MS4A7: variants seen among roughly 807,000 people sequenced by gnomAD.
The protein encoded by MS4A7 is membrane spanning 4-domains A7, also known as membrane-spanning 4-domains subfamily A member 7.
A neutral mutation model predicts 23.5 loss-of-function variants in MS4A7; 21 were observed. That is an observed-to-expected ratio of 0.89 (90% CI 0.63 to 1.29). MS4A7 has a LOEUF of 1.29. Among genes scored for constraint, MS4A7 ranks in the 50% most tolerant of loss-of-function variants. The pLI, the probability that MS4A7 is intolerant of heterozygous loss-of-function variation, is 0.00. For missense variants in MS4A7, 263 were observed against 274.2 expected (o/e 0.96, Z 0.29); for synonymous variants, 111 against 107.4 (o/e 1.03, Z -0.21).
At chr11:60,390,951 C>T (rs2085543975) in intron 5 of MS4A7, among the ~76,000 whole-genome samples, 1 of 152,088 alleles carries the variant, frequency 6.6e-6, no homozygotes, top group African/African-American at 2.4e-5. Context: ...ACTTAGGTTC[C>T]AGAAGCTAAG....
At chr11:60,379,847 A>C (rs186100145) in intron 1 of MS4A7, among the ~76,000 whole-genome samples, 142 of 152,228 alleles carry the variant, frequency 9.3e-4, no homozygotes, top group African/African-American at 3.0e-3. Context: ...AACCATTTTT[A>C]GGTGTACAGT....
At chr11:60,389,011 G>C (rs12793970) in intron 4 of MS4A7, 1 of 168,216 alleles carries the variant, frequency 5.9e-6, no homozygotes, top group African/African-American at 2.4e-5. Context: ...AGAGGGGACC[G>C]AAGTCCATAT....
rs780774438 is a variant in MS4A7, at chr11:60,389,588, A to G, written c.538A>G (p.Ser180Gly). The G allele has an allele frequency of 9.9e-6, 16 of 1,612,862 alleles. 1 individual carries two copies. The East Asian group carries it at 3.6e-4, about 36-fold the overall frequency. Residue 180 changes from serine (S) to glycine (G), a missense_variant, in exon 5 of 7, where the codon AGT becomes GGT. Ser to Gly is a moderately conservative substitution (Grantham distance 56, BLOSUM62 0). Transcript: ENST00000300184. ...CAAAGATTGTCTCCTGACCAGTGTC[A>G]GTTTAACAGTGAGTAGTTTCAGACT... ...EIKDCLLTSV[S>G]LTGVLVVMLI...
rs184598064 is a variant in MS4A7, at chr11:60,395,327, G to A, written c.*1466G>A. 2.2e-3 allele frequency: 376 copies of A among 169,336 alleles called. 3 individuals are homozygous for A. Among genetic ancestry groups the A allele is most frequent in the Non-Finnish European group, 4.0e-3 (318 of 79,632 alleles). 10.5% of individuals were successfully genotyped at this position (169,336 alleles called of 1,614,324 possible). A position where few individuals can be genotyped will look rare whatever the true frequency, so the allele number is the denominator to read the frequency against. ...AGGTTTCCTAAATAAATGAGGAGTAGCATAGTTTAAAATATATATATCTTA... is the reference window on the plus strand; with the variant it reads ...AGGTTTCCTAAATAAATGAGGAGTAACATAGTTTAAAATATATATATCTTA... On this transcript the variant is annotated 3_prime_UTR_variant, in exon 7 of 7. Coordinates refer to ENST00000300184, the MANE Select transcript of MS4A7 (RefSeq NM_021201.5).
intron 4 of MS4A7, among the ~76,000 whole-genome samples, chr11:60,387,298 G>A (rs2085502252): frequency 6.6e-6 from 1 of 152,072 alleles, no homozygotes; most frequent in Non-Finnish European, 1.5e-5. Flanking sequence ...CCTATATCCT[G>A]GGAAACCCCT....
At chr11:60,379,447 T>C (rs2085405514) in intron 1 of MS4A7, among the ~76,000 whole-genome samples, 1 of 152,246 alleles carries the variant, frequency 6.6e-6, no homozygotes, top group South Asian at 2.1e-4. Flanking sequence ...TTTATTTAAA[T>C]ATACCATTTG....
chr11:60,381,464 G>A (rs1267586973), intron 1 of MS4A7, among the ~76,000 whole-genome samples: 1 of 152,144 alleles, frequency 6.6e-6, no homozygotes, highest in African/African-American at 2.4e-5. Context: ...AACATGGATC[G>A]ACTATTATGG....
At chr11:60,382,577 C>A (rs1275267528) in intron 1 of MS4A7, among the ~76,000 whole-genome samples, 1 of 152,110 alleles carries the variant, frequency 6.6e-6, no homozygotes, top group Non-Finnish European at 1.5e-5. Context: ...ATTACGAAGC[C>A]AATATAAGCA....
At chr11:60,388,051 G>T (rs1404253765) in intron 4 of MS4A7, among the ~76,000 whole-genome samples, 1 of 152,226 alleles carries the variant, frequency 6.6e-6, no homozygotes, top group Non-Finnish European at 1.5e-5. Context: ...AAGGATGGTT[G>T]TCCTGCCCTT....
chr11:60,383,865 T>C (rs1385466854), intron 2 of MS4A7, among the ~76,000 whole-genome samples: 3 of 152,224 alleles, frequency 2.0e-5, no homozygotes, highest in African/African-American at 7.2e-5. Flanking sequence ...ATTTTGTCAT[T>C]AGTACAGTAA....
At chr11:60,390,054 G>C in intron 5 of MS4A7, 1 of 206,292 alleles carries the variant, frequency 4.8e-6, no homozygotes, top group Admixed American at 5.3e-5. Flanking sequence ...TCAGTGAATT[G>C]AGGACTAGCA....
At chr11:60,380,236 A>T (rs188961990) in intron 1 of MS4A7, among the ~76,000 whole-genome samples, 14 of 152,378 alleles carry the variant, frequency 9.2e-5, no homozygotes, top group Middle Eastern at 6.8e-3. Context: ...AACAGTTATA[A>T]AATGGCATGG....
At position 60,395,066 on chromosome 11, in the gene MS4A7, C is replaced by A; in HGVS notation, c.*1205C>A. The A allele has an allele frequency of 1.9e-6, 1 of 532,816 alleles. No individual in the cohort carries two copies. The highest frequency in any genetic ancestry group is 3.4e-6 in the Non-Finnish European group (1 of 293,386). 33.0% of individuals were successfully genotyped at this position (532,816 alleles called of 1,614,324 possible). A position where few individuals can be genotyped will look rare whatever the true frequency, so the allele number is the denominator to read the frequency against. ...ATGCTGAAAAGAATAATGTCTATTT[C>A]TTTGTTTGGGTATTAGCTCTATTTT... On this transcript the variant is annotated 3_prime_UTR_variant, in exon 7 of 7. Transcript: ENST00000300184.
At position 60,392,703 on chromosome 11, in the gene MS4A7, C is replaced by A. The variant is rs143858799; in HGVS notation, c.565C>A (p.Leu189Ile). Residue 189 changes from leucine (L) to isoleucine (I), a missense_variant, in exon 6 of 7, where the codon CTC becomes ATC. Leu to Ile is a conservative substitution (Grantham distance 5). Coordinates refer to ENST00000300184, the MANE Select transcript of MS4A7 (RefSeq NM_021201.5). Reference protein sequence around the residue: ...VSLTGVLVVMLIFTVLELLLA... With the variant: ...VSLTGVLVVMIIFTVLELLLA... The stretch of plus-strand genomic sequence containing the variant: ...TTTGCAGGGTGTCCTAGTGGTGATG[C>A]TCATCTTCACTGTGCTGGAGCTCTT... 2,116 of 1,613,712 alleles carry A rather than the reference C, an allele frequency of 1.3e-3. 3 individuals carry two copies. The highest frequency in any genetic ancestry group is 1.6e-3 in the Non-Finnish European group (1,915 of 1,179,814).
chr11:60,387,842 C>G (rs1440838806), intron 4 of MS4A7, among the ~76,000 whole-genome samples: 1 of 152,170 alleles, frequency 6.6e-6, no homozygotes, highest in Non-Finnish European at 1.5e-5. Context: ...GTTGGAATAC[C>G]TACCTACAGG....
chr11:60,382,643 C>G (rs1401608739), intron 1 of MS4A7, among the ~76,000 whole-genome samples: 1 of 152,154 alleles, frequency 6.6e-6, no homozygotes, highest in Non-Finnish European at 1.5e-5. Flanking sequence ...GAAAGTGGAA[C>G]AGCATTCATC....
At position 60,394,818 on chromosome 11, in the gene MS4A7, AT is replaced by A. The variant is rs907766393; in HGVS notation, c.*958del. 2.3e-4 allele frequency: 83 copies of A among 363,312 alleles called. No individual in the cohort carries two copies. Among genetic ancestry groups the A allele is most frequent in the South Asian group, 1.9e-3 (19 of 9,804 alleles). 22.5% of individuals were successfully genotyped at this position (363,312 alleles called of 1,614,324 possible). ...ACTCCATCTCAAAATAAATAAAAAA[AT>A]AAATAAAAATAAAAATAGACTATAT... On this transcript the variant is annotated 3_prime_UTR_variant, in exon 7 of 7. Coordinates refer to ENST00000300184, the MANE Select transcript of MS4A7 (RefSeq NM_021201.5).
chr11:60,381,031 A>G lies in MS4A7; in HGVS notation c.-13-2098A>G, dbSNP rs118094517. On this transcript the variant is annotated intron_variant, in intron 1 of 6. Coordinates refer to ENST00000300184, the MANE Select transcript of MS4A7 (RefSeq NM_021201.5). The stretch of plus-strand genomic sequence containing the variant: ...TTCTTATCTTCAAAGTTCAGCACCC[A>G]TCTCTGAGACTGCAGATTAAATGAG... 1.8e-3 allele frequency among the ~76,000 whole-genome samples: 281 copies of G among 152,336 alleles called. 5 individuals are homozygous for G. The East Asian group carries it at 0.047, about 25-fold the overall frequency.
In MS4A7 at chr11:60,395,291, C is replaced by G. The variant is rs1430390645; in HGVS notation, c.*1430C>G. On this transcript the variant is annotated 3_prime_UTR_variant, in exon 7 of 7. Coordinates refer to ENST00000300184, the MANE Select transcript of MS4A7 (RefSeq NM_021201.5). ...TGGCTGCAGTTTAACTTTGCACTCT[C>G]TATGCATATGAGGTTTCCTAAATAA... is the stretch of plus-strand genomic sequence containing the variant. 1 of 204,864 alleles carries G rather than the reference C, an allele frequency of 4.9e-6. No individual in the cohort carries two copies. The highest frequency in any genetic ancestry group is 9.7e-6 in the Non-Finnish European group (1 of 103,440). The allele number at this position is 204,864 out of a possible 1,614,324, so 12.7% of individuals were successfully genotyped here.
Sources: gnomAD v4.1 joint callset for allele counts (sites outside exome capture counted in the v4.1 genomes callset) on GRCh38, gnomAD v4.1.1 for gene constraint, MANE v1.5 for transcripts, NCBI Gene and HGNC (gene_info 2026-07-23, HGNC 2026-07-21) for gene names.